Variants in AGMO observed in about 807,000 individuals in gnomAD.
AGMO encodes the protein glyceryl-ether monooxygenase.
AGMO carries 75 observed loss-of-function variants against 60.2 expected under a neutral mutation model. The observed-to-expected ratio is 1.25, with a 90% CI of 1.03 to 1.51. AGMO has a LOEUF of 1.51. AGMO is among the 40% of genes most tolerant of loss of function. The probability of loss-of-function intolerance (pLI) is 0.00; values close to 1 mark genes in which losing one functional copy is unlikely to be tolerated. For synonymous variants in AGMO, 261 were observed against 177.1 expected (o/e 1.47, Z -3.76); for missense variants, 763 against 525.5 (o/e 1.45, Z -4.42).
intron 12 of AGMO, among the ~76,000 whole-genome samples, chr7:15,297,140 G>A (rs1784428325): frequency 6.6e-6 from 1 of 152,044 alleles, no homozygotes; most frequent in Non-Finnish European, 1.5e-5. Context: ...GACCTAAAGA[G>A]AATTCCAATT....
chr7:15,188,518 T>C, the AGMO span, among the ~76,000 whole-genome samples: 1 of 152,294 alleles, frequency 6.6e-6, no homozygotes, highest in African/African-American at 2.4e-5. Context: ...TAAAGAGAGA[T>C]TTATGAGCCA....
At chr7:15,375,585 C>T (rs1475519827) in intron 10 of AGMO, among the ~76,000 whole-genome samples, 4 of 151,724 alleles carry the variant, frequency 2.6e-5, no homozygotes, top group East Asian at 1.9e-4. Flanking sequence ...TTAGCAGAGG[C>T]GGAGGTTCTC....
chr7:15,187,591 G>A, the AGMO span, among the ~76,000 whole-genome samples: 7 of 152,190 alleles, frequency 4.6e-5, no homozygotes, highest in South Asian at 2.1e-4. Flanking sequence ...TTCCCTCTCC[G>A]GTACCACCCC....
intron 12 of AGMO, among the ~76,000 whole-genome samples, chr7:15,249,316 T>C (rs528257569): frequency 6.6e-6 from 1 of 152,258 alleles, no homozygotes; most frequent in African/African-American, 2.4e-5. Context: ...GAATATAGCC[T>C]GTTCTTGTGT....
chr7:15,321,742 G>A (rs1781114389), intron 12 of AGMO, among the ~76,000 whole-genome samples: 1 of 151,886 alleles, frequency 6.6e-6, no homozygotes, highest in South Asian at 2.1e-4. Flanking sequence ...AGAGTGTTGA[G>A]GTTCTTTCAA....
At chr7:15,444,633 G>A (rs993202685) in intron 3 of AGMO, among the ~76,000 whole-genome samples, 1 of 152,062 alleles carries the variant, frequency 6.6e-6, no homozygotes, top group African/African-American at 2.4e-5. Context: ...TGCTCCAACT[G>A]GGTGCATTTC....
chr7:15,196,055 C>G (rs530800744), downstream of AGMO, among the ~76,000 whole-genome samples: 1 of 151,732 alleles, frequency 6.6e-6, no homozygotes, highest in East Asian at 2.0e-4. Context: ...CCCCTCTCCT[C>G]TCCTTTTTGA....
At chr7:15,282,500 T>C (rs1362568025) in intron 12 of AGMO, among the ~76,000 whole-genome samples, 2 of 152,026 alleles carry the variant, frequency 1.3e-5, no homozygotes, top group African/African-American at 2.4e-5. Flanking sequence ...AACAAGTCTT[T>C]CAAGTCAACT....
chr7:15,203,987 G>A (rs1020208504), intron 12 of AGMO, among the ~76,000 whole-genome samples: 16 of 151,884 alleles, frequency 1.1e-4, no homozygotes, highest in African/African-American at 3.6e-4. Context: ...GAACAAATTT[G>A]GAATTTTTAT....
chr7:15,540,334 G>C (rs1784592380), intron 3 of AGMO, among the ~76,000 whole-genome samples: 1 of 152,132 alleles, frequency 6.6e-6, no homozygotes, highest in Admixed American at 6.5e-5. Context: ...TAGTTTTTTG[G>C]TGTGGCCCCC....
At chr7:15,490,420 T>G (rs770352755) in intron 3 of AGMO, among the ~76,000 whole-genome samples, 2 of 150,970 alleles carry the variant, frequency 1.3e-5, no homozygotes, top group Non-Finnish European at 2.9e-5. Flanking sequence ...GAGATCATTC[T>G]TAACAATCTT....
the AGMO span, among the ~76,000 whole-genome samples, chr7:15,155,603 G>A: frequency 6.6e-6 from 1 of 151,294 alleles, no homozygotes; most frequent in Non-Finnish European, 1.5e-5. Context: ...GAGCTTCTTT[G>A]GCATCCAGAT....
chr7:15,328,669 G>A (rs1781417439), intron 12 of AGMO, among the ~76,000 whole-genome samples: 1 of 152,112 alleles, frequency 6.6e-6, no homozygotes, highest in African/African-American at 2.4e-5. Context: ...TTTCAAAGTA[G>A]TCAAACCAAT....
intron 5 of AGMO, among the ~76,000 whole-genome samples, chr7:15,416,877 A>C (rs549407702): frequency 2.0e-5 from 3 of 152,310 alleles, no homozygotes; most frequent in Admixed American, 6.5e-5. Context: ...AATGATAAAA[A>C]TAATTTTAAA....
At chr7:15,502,307 C>T (rs1783408247) in intron 3 of AGMO, among the ~76,000 whole-genome samples, 1 of 151,934 alleles carries the variant, frequency 6.6e-6, no homozygotes, top group Non-Finnish European at 1.5e-5. Flanking sequence ...TCGCTCCCCC[C>T]AAGTCCCCCA....
downstream of AGMO, among the ~76,000 whole-genome samples, chr7:15,196,670 C>A (rs1781124371): frequency 6.6e-6 from 1 of 152,170 alleles, no homozygotes; most frequent in Non-Finnish European, 1.5e-5. Flanking sequence ...ATTTCCGTTT[C>A]TAAAAAGATC....
chr7:15,186,778 C>T, the AGMO span, among the ~76,000 whole-genome samples: 1 of 152,076 alleles, frequency 6.6e-6, no homozygotes, highest in African/African-American at 2.4e-5. Flanking sequence ...CATTGTCTGC[C>T]GCCACCGCCC....
intron 3 of AGMO, among the ~76,000 whole-genome samples, chr7:15,486,969 C>CT (rs1460035613): frequency 6.6e-6 from 1 of 152,164 alleles, no homozygotes; most frequent in Non-Finnish European, 1.5e-5. Flanking sequence ...AACCAACAGG[C>CT]GCATCCTCCA....
the AGMO span, among the ~76,000 whole-genome samples, chr7:15,120,455 G>A: frequency 6.6e-6 from 1 of 152,146 alleles, no homozygotes; most frequent in Admixed American, 6.5e-5. Flanking sequence ...AAGGGTATTT[G>A]GAAATGGAGC....
Sources: allele counts gnomAD v4.1 joint callset (sites outside exome capture counted in the v4.1 genomes callset), GRCh38; gene constraint gnomAD v4.1.1; transcripts MANE v1.5; gene names NCBI Gene and HGNC (gene_info 2026-07-23, HGNC 2026-07-21).